ATP6V0A4: variants seen among roughly 807,000 people sequenced by gnomAD.
The protein encoded by ATP6V0A4 is ATPase H+ transporting V0 subunit a4, also known as V-type proton ATPase 116 kDa subunit a 4.
In ATP6V0A4, 86 loss-of-function variants were observed where a neutral mutation model predicts 107.3. The ratio of observed to expected loss-of-function variants is 0.80; its 90% CI spans 0.67 to 0.96. The LOEUF (loss-of-function observed/expected upper bound fraction) is 0.96, where lower values mean the gene tolerates loss of function less well. Among genes scored for constraint, ATP6V0A4 ranks in the 40% least tolerant of loss-of-function variants. The pLI is 0.00. For synonymous variants in ATP6V0A4, 353 were observed against 381.4 expected, an observed-to-expected ratio of 0.93 and a Z score of 0.87; for missense variants, 908 against 1,045.6, an observed-to-expected ratio of 0.87 and a Z score of 1.81.
chr7:138,721,849 A>C, intron 19 of ATP6V0A4, 48 bp downstream of exon 19: 3 of 1,606,796 alleles, frequency 1.9e-6, no homozygotes, highest in Non-Finnish European at 2.6e-6. Flanking sequence ...CCATTCTAGA[A>C]TTTGTACAAA....
In ATP6V0A4 at chr7:138,706,450, C is replaced by T. The variant is rs768262906; in HGVS notation, c.*174G>A. On this transcript the variant is annotated 3_prime_UTR_variant, in exon 22 of 22. Coordinates refer to ENST00000310018, the MANE Select transcript of ATP6V0A4 (RefSeq NM_020632.3). The stretch of plus-strand genomic sequence containing the variant: ...TCACTTGCCAAAGTCCTTCCTCTGA[C>T]GTGGTTAAGTCGTATCAAATCCACA... 2 of 736,656 alleles carry T rather than the reference C, an allele frequency of 2.7e-6. No homozygotes were observed. Among genetic ancestry groups the T allele is most frequent in the African/African-American group, 1.7e-5 (1 of 57,378 alleles). 45.6% of individuals were successfully genotyped at this position (736,656 alleles called of 1,614,324 possible). A position where few individuals can be genotyped will look rare whatever the true frequency, so the allele number is the denominator to read the frequency against.
chr7:138,706,764 A>G (rs768870304), intron 21 of ATP6V0A4, 47 bp from the exon 22 acceptor site: 1 of 1,608,244 alleles, frequency 6.2e-7, no homozygotes, highest in African/African-American at 1.3e-5. Flanking sequence ...AGATTGAAAC[A>G]CATCAGTTAG....
chr7:138,733,549 C>A (rs56983691), intron 16 of ATP6V0A4, among the ~76,000 whole-genome samples: 4,921 of 149,884 alleles, frequency 0.033, 218 homozygotes, highest in East Asian at 0.12. Flanking sequence ...TTCTGTACAG[C>A]CTGGAAGTTA....
chr7:138,749,094 G>C (rs564241964), intron 12 of ATP6V0A4, 73 bp downstream of exon 12: 1 of 1,577,954 alleles, frequency 6.3e-7, no homozygotes, highest in African/African-American at 1.4e-5. Context: ...TCACCACCTC[G>C]GTCACCTCAG....
At chr7:138,747,725 A>G in intron 12 of ATP6V0A4, 161 bp from the exon 13 acceptor site, 1 of 1,156,262 alleles carries the variant, frequency 8.6e-7, no homozygotes, top group Non-Finnish European at 1.2e-6. Flanking sequence ...TAGCTGCCAC[A>G]TAAATGAGTG....
chr7:138,781,746 A>G (rs1807930110), intron 2 of ATP6V0A4, among the ~76,000 whole-genome samples: 1 of 151,928 alleles, frequency 6.6e-6, no homozygotes, highest in Non-Finnish European at 1.5e-5. Context: ...GGACTCCAGT[A>G]TGATGTGAAA....
chr7:138,734,164 C>T lies in ATP6V0A4; in HGVS notation c.1663G>A (p.Gly555Ser). 6.2e-7 allele frequency: 1 copy of T among 1,613,082 alleles called. No individual in the cohort carries two copies. ...TGATTGAAAAGGCTGAGGATGACACCGAAAACCATCTGGACAATTCCCAGG... is the reference window on the plus strand; with the variant it reads ...TGATTGAAAAGGCTGAGGATGACACTGAAAACCATCTGGACAATTCCCAGG... Reference protein sequence around the residue: ...VILGIVQMVFGVILSLFNHIY... With the variant: ...VILGIVQMVFSVILSLFNHIY... The change falls in exon 16 of 22, where the codon GGT becomes AGT. Residue 555 changes from glycine to serine, a missense_variant. Physicochemically the swap from Gly to Ser is moderately conservative, Grantham distance 56. Coordinates refer to ENST00000310018, the MANE Select transcript of ATP6V0A4 (RefSeq NM_020632.3).
chr7:138,768,691 C>T (rs571852602), intron 5 of ATP6V0A4, 89 bp downstream of exon 5: 87 of 1,484,700 alleles, frequency 5.9e-5, no homozygotes, highest in Non-Finnish European at 6.6e-5. Context: ...CAAACAGGTA[C>T]GGAATCTGCA....
intron 2 of ATP6V0A4, among the ~76,000 whole-genome samples, chr7:138,781,329 T>A (rs927983785): frequency 6.6e-6 from 1 of 151,952 alleles, no homozygotes; most frequent in African/African-American, 2.4e-5. Context: ...TTTCTTTTTT[T>A]TTTTCTTTTT....
chr7:138,745,093 C>T (rs910517964), intron 14 of ATP6V0A4, 30 bp downstream of exon 14: 11 of 1,586,396 alleles, frequency 6.9e-6, no homozygotes, highest in South Asian at 4.4e-5. Context: ...GGATGGCCAG[C>T]GACTACACCA....
At chr7:138,761,824 C>T (rs1385662412) in intron 7 of ATP6V0A4, among the ~76,000 whole-genome samples, 1 of 152,024 alleles carries the variant, frequency 6.6e-6, no homozygotes, top group Non-Finnish European at 1.5e-5. Context: ...GTATTACAGG[C>T]ACGTGCGACC....
chr7:138,731,217 G>A (rs1584906014), intron 17 of ATP6V0A4, among the ~76,000 whole-genome samples: 1 of 152,190 alleles, frequency 6.6e-6, no homozygotes, highest in Non-Finnish European at 1.5e-5. Flanking sequence ...TTACAGGCGT[G>A]AGCCACTACG....
chr7:138,762,785 A>T, intron 6 of ATP6V0A4, 115 bp downstream of exon 6: 1 of 1,250,516 alleles, frequency 8.0e-7, no homozygotes. Flanking sequence ...CCAATGGCCT[A>T]GCCATGGAAC....
intron 1 of ATP6V0A4, among the ~76,000 whole-genome samples, chr7:138,792,778 G>GTTTTTT (rs1365254498): frequency 2.1e-5 from 1 of 48,018 alleles, no homozygotes; most frequent in African/African-American, 7.4e-5. Context: ...TTTTTTTTTT[G>GTTTTTT]TTGTTTTGTT....
In ATP6V0A4 at chr7:138,760,444, C is replaced by CAAAA. The variant is rs570463822; in HGVS notation, c.513-570_513-567dup. Reference sequence around the variant, plus strand: ...GGCAGAGAAGGGTGAAACTCTGTCTCAAAAAAAAAAAAAAAAAAAAGAATA... The same window carrying CAAAA: ...GGCAGAGAAGGGTGAAACTCTGTCTCAAAAAAAAAAAAAAAAAAAAAAAAGAATA... On this transcript the variant is annotated intron_variant, in intron 7 of 21. Coordinates refer to ENST00000310018, the MANE Select transcript of ATP6V0A4 (RefSeq NM_020632.3). 1.4e-3 allele frequency among the ~76,000 whole-genome samples: 86 copies of CAAAA among 60,744 alleles called. 2 individuals are homozygous for CAAAA. Among genetic ancestry groups the CAAAA allele is most frequent in the East Asian group, 9.8e-3 (21 of 2,136 alleles). 39.9% of individuals were successfully genotyped at this position (60,744 alleles called of 152,430 possible).
At chr7:138,747,142 C>A (rs899979616) in intron 13 of ATP6V0A4, among the ~76,000 whole-genome samples, 2 of 151,838 alleles carry the variant, frequency 1.3e-5, no homozygotes, top group Non-Finnish European at 2.9e-5. Flanking sequence ...GTATTGCTTT[C>A]ATAATCAGGC....
intron 15 of ATP6V0A4, among the ~76,000 whole-genome samples, chr7:138,738,744 G>A (rs901932299): frequency 4.6e-5 from 7 of 152,136 alleles, no homozygotes; most frequent in African/African-American, 1.7e-4. Flanking sequence ...AGATGGGAGA[G>A]ACTGGAAACC....
At chr7:138,724,882 C>G (rs1012545650) in intron 18 of ATP6V0A4, among the ~76,000 whole-genome samples, 1 of 152,156 alleles carries the variant, frequency 6.6e-6, no homozygotes, top group Non-Finnish European at 1.5e-5. Context: ...TACTTACTTG[C>G]AGTCCTCTTA....
At chr7:138,740,553 T>G (rs1222470956) in intron 14 of ATP6V0A4, among the ~76,000 whole-genome samples, 1 of 112,124 alleles carries the variant, frequency 8.9e-6, no homozygotes, top group African/African-American at 3.5e-5. Context: ...GCAATTCTCC[T>G]GCCTCAGGCT....
Sources: gnomAD v4.1 joint callset for allele counts (sites outside exome capture counted in the v4.1 genomes callset) on GRCh38, gnomAD v4.1.1 for gene constraint, MANE v1.5 for transcripts, NCBI Gene and HGNC (gene_info 2026-07-23, HGNC 2026-07-21) for gene names.